The following UVRAG variants were observed in gnomAD, a reference collection of about 807,000 sequenced individuals.
UVRAG encodes UV radiation resistance associated, also known as UV radiation resistance-associated gene protein.
In UVRAG, 19 loss-of-function variants were observed where a neutral mutation model predicts 78.0. That is an observed-to-expected ratio of 0.24 (90% CI 0.17 to 0.36). UVRAG has a LOEUF of 0.36. Among genes scored for constraint, UVRAG ranks in the 10% least tolerant of loss-of-function variants. UVRAG has a pLI of 1.00. For synonymous variants in UVRAG, 323 were observed against 324.6 expected, an observed-to-expected ratio of 1.00 and a Z score of 0.05; for missense variants, 740 against 853.8, an observed-to-expected ratio of 0.87 and a Z score of 1.66.
intron 1 of UVRAG, among the ~76,000 whole-genome samples, chr11:75,837,085 TTTGGGAGG>T (rs1565338388): frequency 6.6e-6 from 1 of 152,116 alleles, no homozygotes; most frequent in East Asian, 1.9e-4. Context: ...ATCCCAGCAC[TTTGGGAGG>T]CCAAGGTGGG....
intron 12 of UVRAG, among the ~76,000 whole-genome samples, chr11:76,018,036 A>G (rs1436294721): frequency 6.6e-6 from 1 of 152,186 alleles, no homozygotes; most frequent in Non-Finnish European, 1.5e-5. Flanking sequence ...CTTAAATATA[A>G]CATGCATATA....
intron 14 of UVRAG, among the ~76,000 whole-genome samples, chr11:76,127,665 G>A (rs1289238169): frequency 6.8e-6 from 1 of 147,326 alleles, no homozygotes; most frequent in African/African-American, 2.5e-5. Flanking sequence ...ATGAATGAAT[G>A]AATCAATGAG....
chr11:75,910,458 C>A (rs578142709), intron 5 of UVRAG, among the ~76,000 whole-genome samples: 16 of 144,344 alleles, frequency 1.1e-4, no homozygotes, highest in Admixed American at 8.9e-4. Flanking sequence ...GGTCCAGAGT[C>A]TTTTTTTCTA....
At chr11:75,966,860 G>T (rs558516082) in intron 7 of UVRAG, among the ~76,000 whole-genome samples, 1 of 152,276 alleles carries the variant, frequency 6.6e-6, no homozygotes, top group African/African-American at 2.4e-5. Context: ...GCTTCTTTCT[G>T]TTTGTCTCAT....
chr11:75,994,355 A>G (rs1271420584), intron 8 of UVRAG, among the ~76,000 whole-genome samples: 4 of 152,178 alleles, frequency 2.6e-5, no homozygotes, highest in African/African-American at 4.8e-5. Context: ...CCCTCATTGT[A>G]TATGTGAGGT....
At chr11:75,970,955 C>A (rs1197784408) in intron 7 of UVRAG, among the ~76,000 whole-genome samples, 1 of 151,894 alleles carries the variant, frequency 6.6e-6, no homozygotes, top group Non-Finnish European at 1.5e-5. Flanking sequence ...ATTATGTATC[C>A]ATCATTACAG....
At chr11:76,029,613 G>GT (rs940896261) in intron 12 of UVRAG, among the ~76,000 whole-genome samples, 2 of 152,134 alleles carry the variant, frequency 1.3e-5, no homozygotes, top group Non-Finnish European at 2.9e-5. Context: ...CATGATAAAA[G>GT]TTTAACAATG....
chr11:75,928,404 C>G (rs1045899156), intron 6 of UVRAG, among the ~76,000 whole-genome samples: 2 of 152,142 alleles, frequency 1.3e-5, no homozygotes, highest in African/African-American at 2.4e-5. Flanking sequence ...TGTGGAAAAT[C>G]TAGGACAAAG....
At chr11:76,059,947 T>C (rs1951052429) in intron 12 of UVRAG, among the ~76,000 whole-genome samples, 1 of 152,192 alleles carries the variant, frequency 6.6e-6, no homozygotes, top group Non-Finnish European at 1.5e-5. Context: ...GAATTAACTA[T>C]AGCCATGTCC....
intron 1 of UVRAG, among the ~76,000 whole-genome samples, chr11:75,847,969 C>CAAA (rs35386754): frequency 0.055 from 3,839 of 69,706 alleles, 186 homozygotes; most frequent in African/African-American, 0.16. Context: ...GACTGTGTCT[C>CAAA]AAAAAAAAAA....
chr11:75,954,678 C>T (rs1948761390), intron 6 of UVRAG, among the ~76,000 whole-genome samples: 1 of 152,222 alleles, frequency 6.6e-6, no homozygotes, highest in South Asian at 2.1e-4. Context: ...TTTTGAGTCC[C>T]TCCTTTGTGC....
chr11:75,894,027 A>G (rs574684339), intron 5 of UVRAG, among the ~76,000 whole-genome samples: 1 of 152,318 alleles, frequency 6.6e-6, no homozygotes, highest in South Asian at 2.1e-4. Context: ...ATAGAAGATG[A>G]TACCAAAGGG....
At chr11:75,931,147 A>G (rs1166342615) in intron 6 of UVRAG, among the ~76,000 whole-genome samples, 2 of 150,844 alleles carry the variant, frequency 1.3e-5, no homozygotes, top group African/African-American at 2.4e-5. Flanking sequence ...CCTTTTTTTA[A>G]TGCTGTTTTG....
At chr11:75,893,011 C>G (rs1323032967) in intron 5 of UVRAG, among the ~76,000 whole-genome samples, 1 of 152,002 alleles carries the variant, frequency 6.6e-6, no homozygotes, top group Admixed American at 6.6e-5. Context: ...AACCCCATCT[C>G]TACTAAAAAC....
chr11:76,079,627 A>G (rs1951462694), intron 13 of UVRAG, among the ~76,000 whole-genome samples: 2 of 152,240 alleles, frequency 1.3e-5, no homozygotes, highest in African/African-American at 4.8e-5. Flanking sequence ...GACTTATAAA[A>G]CTAATGATAA....
intron 13 of UVRAG, among the ~76,000 whole-genome samples, chr11:76,103,138 ATCTC>A (rs1312331717): frequency 2.0e-5 from 3 of 152,112 alleles, no homozygotes; most frequent in Non-Finnish European, 4.4e-5. Context: ...CATACTTTGA[ATCTC>A]TCTCTCTGTC....
intron 5 of UVRAG, among the ~76,000 whole-genome samples, chr11:75,899,664 C>T (rs1339073692): frequency 6.6e-6 from 1 of 152,214 alleles, no homozygotes; most frequent in South Asian, 2.1e-4. Context: ...TGACAGCGTA[C>T]CAAGTCTCTG....
intron 14 of UVRAG, among the ~76,000 whole-genome samples, chr11:76,117,925 T>C (rs1000345955): frequency 6.6e-6 from 1 of 152,242 alleles, no homozygotes; most frequent in African/African-American, 2.4e-5. Flanking sequence ...ATTTTCTTGA[T>C]ATCTGTTAGG....
chr11:76,034,372 A>G (rs778231115), intron 12 of UVRAG, among the ~76,000 whole-genome samples: 6 of 151,704 alleles, frequency 4.0e-5, no homozygotes, highest in Non-Finnish European at 8.8e-5. Context: ...TTCTAATTGT[A>G]TTTTTTTGTA....
Sources: allele counts gnomAD v4.1 joint callset (sites outside exome capture counted in the v4.1 genomes callset), GRCh38; gene constraint gnomAD v4.1.1; transcripts MANE v1.5; gene names NCBI Gene and HGNC (gene_info 2026-07-23, HGNC 2026-07-21).